EDIL3: variants seen among roughly 807,000 people sequenced by gnomAD.
EDIL3 encodes the protein EGF like and discoidin domains 3.
In EDIL3, 37 loss-of-function variants were observed where a neutral mutation model predicts 67.4. The observed-to-expected ratio is 0.55, with a 90% CI of 0.42 to 0.72. EDIL3 has a LOEUF of 0.72. Among genes scored for constraint, EDIL3 ranks in the 30% least tolerant of loss-of-function variants. The pLI is 0.00. For synonymous variants in EDIL3, 195 were observed against 196.3 expected, an observed-to-expected ratio of 0.99 and a Z score of 0.05; for missense variants, 527 against 586.3, an observed-to-expected ratio of 0.90 and a Z score of 1.04.
intron 9 of EDIL3, among the ~76,000 whole-genome samples, chr5:84,008,303 A>G (rs768830688): frequency 1.2e-4 from 18 of 152,312 alleles, no homozygotes; most frequent in Non-Finnish European, 1.9e-4. Context: ...AATGTTCATA[A>G]TACCAAGAAA....
chr5:84,350,577 T>G (rs1747335603), intron 1 of EDIL3, among the ~76,000 whole-genome samples: 1 of 152,116 alleles, frequency 6.6e-6, no homozygotes, highest in Non-Finnish European at 1.5e-5. Context: ...AAGTTTAGTC[T>G]TAAAATAACA....
intron 1 of EDIL3, among the ~76,000 whole-genome samples, chr5:84,310,923 T>A (rs1302361698): frequency 1.3e-5 from 2 of 152,026 alleles, no homozygotes; most frequent in Non-Finnish European, 2.9e-5. Flanking sequence ...CTAGCTAGCA[T>A]CATCACAGGT....
At chr5:84,249,771 T>C (rs996184684) in intron 2 of EDIL3, among the ~76,000 whole-genome samples, 2 of 152,144 alleles carry the variant, frequency 1.3e-5, no homozygotes, top group Non-Finnish European at 2.9e-5. Context: ...ATTTAAAAAT[T>C]CTCAAGATTT....
intron 1 of EDIL3, among the ~76,000 whole-genome samples, chr5:84,337,889 ATAATAAAATCCGAGGT>A (rs1233933948): frequency 6.6e-6 from 1 of 152,172 alleles, no homozygotes; most frequent in Non-Finnish European, 1.5e-5. Flanking sequence ...TTATTGTACC[ATAATAAAATCCGAGGT>A]TATCAGTCAT....
At chr5:84,317,569 C>G (rs1378554276) in intron 1 of EDIL3, among the ~76,000 whole-genome samples, 6 of 152,058 alleles carry the variant, frequency 3.9e-5, no homozygotes, top group Admixed American at 6.6e-5. Flanking sequence ...CTGAATAGAC[C>G]AATAACAGGT....
intron 4 of EDIL3, among the ~76,000 whole-genome samples, chr5:84,173,121 T>C (rs1393611099): frequency 6.6e-6 from 1 of 152,128 alleles, no homozygotes; most frequent in Non-Finnish European, 1.5e-5. Flanking sequence ...AGGCTGGCCA[T>C]GCATGTCTGT....
Position 84,344,019 on chromosome 5 carries a change from T to C in EDIL3, c.67+40289A>G, listed in dbSNP as rs139334162. On this transcript the variant is annotated intron_variant, in intron 1 of 10. Transcript: ENST00000296591. ...CACCACTTTTCTGAGAAATGTTCCCTCAATAGAAGAATTCTACTTTTAAAA... is the reference window on the plus strand; with the variant it reads ...CACCACTTTTCTGAGAAATGTTCCCCCAATAGAAGAATTCTACTTTTAAAA... Among the ~76,000 whole-genome samples the C allele has an allele frequency of 3.5e-4, 54 of 152,226 alleles. 2 individuals carry two copies. In the East Asian group the frequency reaches 0.01, roughly 29 times the overall value.
chr5:84,266,165 C>A (rs1745340908), intron 1 of EDIL3, among the ~76,000 whole-genome samples: 1 of 152,178 alleles, frequency 6.6e-6, no homozygotes, highest in African/African-American at 2.4e-5. Flanking sequence ...AGGGACAACT[C>A]TTTAAGAACT....
intron 1 of EDIL3, among the ~76,000 whole-genome samples, chr5:84,339,825 G>C (rs942750713): frequency 2.0e-5 from 3 of 151,928 alleles, no homozygotes; most frequent in Admixed American, 2.0e-4. Context: ...AAAGAAATGA[G>C]GGGCAGGCTA....
intron 9 of EDIL3, among the ~76,000 whole-genome samples, chr5:84,032,901 T>C (rs1486743122): frequency 6.6e-6 from 1 of 152,234 alleles, no homozygotes; most frequent in Non-Finnish European, 1.5e-5. Context: ...GTTGAGAAGA[T>C]GTGCAAATGT....
intron 3 of EDIL3, among the ~76,000 whole-genome samples, chr5:84,209,600 G>A (rs1207263543): frequency 1.3e-5 from 2 of 151,002 alleles, no homozygotes. Flanking sequence ...CTATGTAGCT[G>A]CTAAATGAAA....
chr5:84,373,949 A>G (rs1005682540), intron 1 of EDIL3, among the ~76,000 whole-genome samples: 13 of 152,316 alleles, frequency 8.5e-5, no homozygotes, highest in Admixed American at 7.8e-4. Flanking sequence ...AGGAAGTTTA[A>G]TATCAGAATG....
chr5:84,086,814 G>A (rs1006204873), intron 6 of EDIL3, among the ~76,000 whole-genome samples: 4 of 152,066 alleles, frequency 2.6e-5, no homozygotes, highest in African/African-American at 9.7e-5. Context: ...GTGTGACTAC[G>A]CAGAAGGTGC....
chr5:84,249,942 T>C (rs1744990067), intron 2 of EDIL3, among the ~76,000 whole-genome samples: 1 of 151,982 alleles, frequency 6.6e-6, no homozygotes, highest in Non-Finnish European at 1.5e-5. Flanking sequence ...AGAACATTTA[T>C]ATATATATAG....
chr5:84,122,444 G>C (rs1715250150), intron 5 of EDIL3, among the ~76,000 whole-genome samples: 1 of 151,910 alleles, frequency 6.6e-6, no homozygotes, highest in Admixed American at 6.6e-5. Flanking sequence ...CATGTGCTAT[G>C]TTGGTGTGCT....
At chr5:84,370,871 CATTTTTAACGATAAAAAG>C (rs1274304496) in intron 1 of EDIL3, among the ~76,000 whole-genome samples, 1 of 152,086 alleles carries the variant, frequency 6.6e-6, no homozygotes, top group Non-Finnish European at 1.5e-5. Flanking sequence ...CAAAGGAACA[CATTTTTAACGATAAAAAG>C]ATGTATATAC....
chr5:84,108,277 A>T (rs1211038100), intron 5 of EDIL3, among the ~76,000 whole-genome samples: 4 of 151,996 alleles, frequency 2.6e-5, no homozygotes, highest in Non-Finnish European at 5.9e-5. Context: ...AAATTTTTAA[A>T]TTTTTTTATA....
chr5:83,963,394 G>T (rs754469730), intron 9 of EDIL3, 34 bp from the exon 10 acceptor site: 9 of 1,552,414 alleles, frequency 5.8e-6, no homozygotes, highest in Middle Eastern at 1.9e-4. Flanking sequence ...CTTTAAATGC[G>T]ACAACCAAGT....
At chr5:84,275,304 T>A (rs992129762) in intron 1 of EDIL3, among the ~76,000 whole-genome samples, 2 of 152,110 alleles carry the variant, frequency 1.3e-5, no homozygotes, top group African/African-American at 4.8e-5. Context: ...AATATGAGAG[T>A]GTCACAAAAT....
Sources: allele counts gnomAD v4.1 joint callset (sites outside exome capture counted in the v4.1 genomes callset), GRCh38; gene constraint gnomAD v4.1.1; transcripts MANE v1.5; gene names NCBI Gene and HGNC (gene_info 2026-07-23, HGNC 2026-07-21).